Variants in PCDHGB1 observed in about 807,000 individuals in gnomAD.
The protein encoded by PCDHGB1 is protocadherin gamma-B1.
PCDHGB1 carries 34 observed loss-of-function variants against 56.6 expected under a neutral mutation model. That is an observed-to-expected ratio of 0.60 (90% confidence interval 0.46 to 0.80). The LOEUF is 0.80. PCDHGB1 is among the 30% of genes least tolerant of loss of function. The pLI is 0.00. For synonymous variants in PCDHGB1, 561 were observed against 505.9 expected, an observed-to-expected ratio of 1.11 and a Z score of -1.46; for missense variants, 1,278 against 1,204.6, an observed-to-expected ratio of 1.06 and a Z score of -0.90.
In PCDHGB1 at chr5:141,430,673, C is replaced by T. The variant is rs183365013; in HGVS notation, c.2410-64134C>T. 1.5e-4 allele frequency: 198 copies of T among 1,288,318 alleles called. 2 individuals are homozygous for T. In the African/African-American group the frequency reaches 2.8e-3, roughly 18 times the overall value. The allele number at this position is 1,288,318 out of a possible 1,614,324, so 79.8% of individuals were successfully genotyped here. On this transcript the variant is annotated intron_variant, in intron 1 of 3. Coordinates refer to ENST00000523390, the MANE Select transcript of PCDHGB1 (RefSeq NM_018922.3). Reference sequence around the variant, plus strand: ...AAACAACGGAGGAGCTCTGACTTCCCAACTGTCCCATTCTATGGGCGAAGG... The same window carrying T: ...AAACAACGGAGGAGCTCTGACTTCCTAACTGTCCCATTCTATGGGCGAAGG...
intron 1 of PCDHGB1, among the ~76,000 whole-genome samples, chr5:141,397,293 A>T (rs1449132000): frequency 6.6e-6 from 1 of 152,220 alleles, no homozygotes; most frequent in African/African-American, 2.4e-5. Flanking sequence ...ACTTGAATGA[A>T]TATTTCCTGA....
intron 1 of PCDHGB1, chr5:141,410,671 C>T: frequency 1.3e-6 from 2 of 1,563,260 alleles, no homozygotes; most frequent in Non-Finnish European, 1.7e-6. Context: ...ACTAGTTTCT[C>T]ATATTTTAGG....
At position 141,432,587 on chromosome 5, in the gene PCDHGB1, A is replaced by G. The variant is rs1344597432; in HGVS notation, c.2410-62220A>G. 5 of 1,613,132 alleles carry G rather than the reference A, an allele frequency of 3.1e-6. No homozygotes were observed. In the East Asian group the frequency reaches 8.9e-5, roughly 29 times the overall value. ...CGCCTGGCTGTCCTACCGTCTGCTC[A>G]AGGCCAGCGAGCCGGGACTCTTCTC... On this transcript the variant is annotated intron_variant, in intron 1 of 3. Transcript: ENST00000523390. This position sits in a 1 kb window ranked among gnomAD's most constrained non-coding sequence, Gnocchi z 6.0.
rs181806844 is a variant in PCDHGB1 at position 141,445,046 on chromosome 5, G to T, written c.2410-49761G>T. Among the ~76,000 whole-genome samples the T allele has an allele frequency of 1.2e-4, 19 of 152,248 alleles. No individual in the cohort carries two copies. The East Asian group carries it at 3.7e-3, about 29-fold the overall frequency. ...TCAGCTATGTTGTATAGTTTTCAGT[G>T]TAGAGAGGTCATGTATATTTCTCAT... On this transcript the variant is annotated intron_variant, in intron 1 of 3. Transcript: ENST00000523390.
rs539727453 is a variant in PCDHGB1 at position 141,487,510 on chromosome 5, C to G, written c.2410-7297C>G. ...GCTGTACACCCTTGGCTTCTGCACC[C>G]ACTCGGAGTGATAGCTTCATGATGG... On this transcript the variant is annotated intron_variant, in intron 1 of 3. Coordinates refer to ENST00000523390, the MANE Select transcript of PCDHGB1 (RefSeq NM_018922.3). This position sits in a 1 kb window ranked among gnomAD's most constrained non-coding sequence, Gnocchi z 5.0. The G allele has an allele frequency of 2.5e-6, 4 of 1,614,210 alleles. No homozygotes were observed. The highest frequency in any genetic ancestry group is 2.2e-5 in the East Asian group (1 of 44,860).
At position 141,431,848 on chromosome 5, in the gene PCDHGB1, G is replaced by A. The variant is rs747401379; in HGVS notation, c.2410-62959G>A. 11 of 1,614,142 alleles carry A rather than the reference G, an allele frequency of 6.8e-6. No homozygotes were observed. The highest frequency in any genetic ancestry group is 2.2e-5 in the East Asian group (1 of 44,906). On this transcript the variant is annotated intron_variant, in intron 1 of 3. Coordinates refer to ENST00000523390, the MANE Select transcript of PCDHGB1 (RefSeq NM_018922.3). The surrounding 1 kb of genome is among the most constrained non-coding windows in gnomAD (Gnocchi z 4.8). ...CGGTTCCCGAAAACTCTCCCAGAGGGACATTAATTGCCCTTTTAAATGTAA... is the reference window on the plus strand; with the variant it reads ...CGGTTCCCGAAAACTCTCCCAGAGGAACATTAATTGCCCTTTTAAATGTAA...
chr5:141,352,253 C>G lies in PCDHGB1; in HGVS notation c.1993C>G (p.Gln665Glu), dbSNP rs752340715. 5 of 1,614,100 alleles carry G rather than the reference C, an allele frequency of 3.1e-6. No homozygotes were observed. The Admixed American group carries it at 5.0e-5, about 16-fold the overall frequency. The change falls in exon 1 of 4, where the codon CAA (glutamine) becomes GAA (glutamate). Residue 665 changes from glutamine (Q) to glutamate (E), a missense_variant. Gln to Glu is a conservative substitution (Grantham distance 29). Transcript: ENST00000523390. ...TLHLIFADSL[Q>E]EVLPDLSDRP... ...GCACCTAATCTTCGCGGATAGCCTG[C>G]AAGAGGTATTGCCAGACCTCAGCGA...
intron 1 of PCDHGB1, chr5:141,366,256 C>A (rs751677361): frequency 6.2e-7 from 1 of 1,613,584 alleles, no homozygotes; most frequent in African/African-American, 1.3e-5. Flanking sequence ...AGCAGAGCCT[C>A]GTGGTGGCCG....
intron 2 of PCDHGB1, among the ~76,000 whole-genome samples, chr5:141,501,290 TACACACACACACACACACACAC>T (rs55762287): frequency 1.4e-4 from 19 of 136,248 alleles, no homozygotes; most frequent in Admixed American, 1.1e-3. Context: ...TATTCCCTTA[TACACACACACACACACACACAC>T]ACACACACAC....
At position 141,435,341 on chromosome 5, in the gene PCDHGB1, C is replaced by T. The variant is rs73794903; in HGVS notation, c.2410-59466C>T. 9.3e-3 allele frequency among the ~76,000 whole-genome samples: 1,412 copies of T among 152,206 alleles called. 25 individuals carry two copies. Among genetic ancestry groups the T allele is most frequent in the African/African-American group, 0.032 (1,313 of 41,532 alleles). On this transcript the variant is annotated intron_variant, in intron 1 of 3. Coordinates refer to ENST00000523390, the MANE Select transcript of PCDHGB1 (RefSeq NM_018922.3). ...ACTTCCAAATATAGTGAATTTATTT[C>T]TTCTGCATTTAAAATTTTATCACTT...
intron 1 of PCDHGB1, among the ~76,000 whole-genome samples, chr5:141,474,862 T>C (rs1281140736): frequency 6.6e-6 from 1 of 152,264 alleles, no homozygotes; most frequent in Non-Finnish European, 1.5e-5. Context: ...CTTCATTTAA[T>C]AGGATAGGAG....
chr5:141,405,390 T>C (rs1561700240), intron 1 of PCDHGB1: 1 of 1,600,118 alleles, frequency 6.2e-7, no homozygotes, highest in South Asian at 1.1e-5. Context: ...AGTTCATTTT[T>C]TTTCTTTCTT....
At chr5:141,503,099 C>T (rs1286557930) in intron 2 of PCDHGB1, among the ~76,000 whole-genome samples, 1 of 151,884 alleles carries the variant, frequency 6.6e-6, no homozygotes, top group Non-Finnish European at 1.5e-5. Context: ...GTGGTCTGCC[C>T]GCCCCTGCCT....
chr5:141,444,695 CCT>C (rs2154560766), intron 1 of PCDHGB1, among the ~76,000 whole-genome samples: 1 of 152,134 alleles, frequency 6.6e-6, no homozygotes, highest in South Asian at 2.1e-4. Flanking sequence ...AAAATATTTT[CCT>C]CTTTCTGTTG....
intron 1 of PCDHGB1, chr5:141,372,539 G>A: frequency 6.2e-7 from 1 of 1,614,050 alleles, no homozygotes; most frequent in Non-Finnish European, 8.5e-7. Flanking sequence ...CCCTGCGCCT[G>A]CGATGCTCCT....
intron 1 of PCDHGB1, chr5:141,418,595 G>T (rs1331897624): frequency 5.6e-6 from 9 of 1,613,928 alleles, no homozygotes; most frequent in Non-Finnish European, 7.6e-6. Flanking sequence ...CAGCCAGGAC[G>T]TGTACAGGGT....
At chr5:141,495,896 CTCTG>C (rs1175207502) in intron 2 of PCDHGB1, among the ~76,000 whole-genome samples, 2 of 152,108 alleles carry the variant, frequency 1.3e-5, no homozygotes, top group Non-Finnish European at 2.9e-5. Flanking sequence ...CTCTCTTTGT[CTCTG>C]TCTCTGTATA....
intron 1 of PCDHGB1, among the ~76,000 whole-genome samples, chr5:141,372,994 C>T (rs1769242152): frequency 6.6e-6 from 1 of 152,146 alleles, no homozygotes; most frequent in South Asian, 2.1e-4. Flanking sequence ...TGCAGTTGTT[C>T]TTTCATAGAA....
intron 1 of PCDHGB1, chr5:141,389,804 T>G (rs751634687): frequency 2.3e-5 from 37 of 1,613,616 alleles, no homozygotes; most frequent in Non-Finnish European, 3.1e-5. Flanking sequence ...GCCAGCGCCT[T>G]CTGGTCGCCG....
Sources: allele counts gnomAD v4.1 joint callset (sites outside exome capture counted in the v4.1 genomes callset), GRCh38; gene constraint gnomAD v4.1.1; non-coding constraint Gnocchi (gnomAD v3.1); transcripts MANE v1.5; gene names NCBI Gene and HGNC (gene_info 2026-07-23, HGNC 2026-07-21).